ADGRL2: variants seen among roughly 807,000 people sequenced by gnomAD.
The protein encoded by ADGRL2 is calcium-independent alpha-latrotoxin receptor 2.
Under a neutral mutation model 157.4 loss-of-function variants are expected in ADGRL2, and 44 were observed. The observed-to-expected ratio is 0.28, with a 90% CI of 0.22 to 0.36. The LOEUF is 0.36. Among genes scored for constraint, ADGRL2 ranks in the 10% least tolerant of loss-of-function variants. ADGRL2 has a pLI of 1.00. For synonymous variants in ADGRL2, 585 were observed against 624.7 expected, an observed-to-expected ratio of 0.94 and a Z score of 0.95; for missense variants, 1,510 against 1,768.9, an observed-to-expected ratio of 0.85 and a Z score of 2.63.
chr1:81,826,271 A>G (rs1251853032), intron 1 of ADGRL2, among the ~76,000 whole-genome samples: 2 of 152,236 alleles, frequency 1.3e-5, no homozygotes, highest in African/African-American at 4.8e-5. Context: ...CTTTGTTATT[A>G]TAAGTTAGCA....
chr1:81,637,666 T>C lies in ADGRL2; in HGVS notation c.-143+56686T>C, dbSNP rs141887702. Among the ~76,000 whole-genome samples the C allele has an allele frequency of 3.0e-3, 452 of 152,328 alleles. 4 individuals are homozygous for C. The highest frequency in any genetic ancestry group is 0.011 in the African/African-American group (442 of 41,574). ...TATTGTTTTATATTCTTAGAAATAA[T>C]TATTTTTAGACAATTGCGTGGAATT... On this transcript the variant is annotated intron_variant, in intron 3 of 24. Coordinates refer to the ADGRL2 transcript ENST00000370721.
intron 1 of ADGRL2, among the ~76,000 whole-genome samples, chr1:81,314,159 G>A (rs1659949030): frequency 6.6e-6 from 1 of 152,160 alleles, no homozygotes; most frequent in South Asian, 2.1e-4. Flanking sequence ...GTACTGTTTG[G>A]TGCGGTTCTG....
chr1:81,446,230 C>T (rs181356745), intron 2 of ADGRL2, among the ~76,000 whole-genome samples: 37 of 152,152 alleles, frequency 2.4e-4, no homozygotes, highest in Admixed American at 1.8e-3. Context: ...GCCAGCCCGG[C>T]GCACAGCACA....
At chr1:81,482,869 T>C (rs1465531645) in intron 2 of ADGRL2, among the ~76,000 whole-genome samples, 1 of 151,642 alleles carries the variant, frequency 6.6e-6, no homozygotes. Context: ...ATATTAGCTA[T>C]ATCCTTATAT....
chr1:81,395,117 G>T (rs937965429), intron 1 of ADGRL2, among the ~76,000 whole-genome samples: 15 of 151,978 alleles, frequency 9.9e-5, no homozygotes, highest in African/African-American at 3.6e-4. Context: ...CACCATGTTG[G>T]CCAGGCTGGT....
At chr1:81,698,057 G>A (rs1486902758), upstream of ADGRL2, among the ~76,000 whole-genome samples, 1 of 152,142 alleles carries the variant, frequency 6.6e-6, no homozygotes, top group East Asian at 1.9e-4. Flanking sequence ...ATGATTAAAA[G>A]GAATGTTCAG....
chr1:81,446,941 T>A (rs749990470), intron 2 of ADGRL2, among the ~76,000 whole-genome samples: 14 of 152,138 alleles, frequency 9.2e-5, no homozygotes, highest in Non-Finnish European at 1.8e-4. Flanking sequence ...GAAAATGGCA[T>A]GTTAAAGTTT....
chr1:81,870,696 C>A (rs1408353239), intron 2 of ADGRL2, among the ~76,000 whole-genome samples: 1 of 151,954 alleles, frequency 6.6e-6, no homozygotes, highest in Non-Finnish European at 1.5e-5. Context: ...TTTGTTGGCA[C>A]TAATAGTGTT....
intron 2 of ADGRL2, among the ~76,000 whole-genome samples, chr1:81,843,386 C>T (rs537087086): frequency 1.3e-5 from 2 of 152,260 alleles, no homozygotes; most frequent in East Asian, 1.9e-4. Flanking sequence ...TTGCCTTGGC[C>T]TCCCAAAGTG....
chr1:81,613,690 G>A (rs1404890607), intron 3 of ADGRL2, among the ~76,000 whole-genome samples: 1 of 152,176 alleles, frequency 6.6e-6, no homozygotes, highest in Non-Finnish European at 1.5e-5. Context: ...GAAATAGAAT[G>A]ATCAGATTGT....
intron 2 of ADGRL2, among the ~76,000 whole-genome samples, chr1:81,778,279 G>A (rs1305301959): frequency 1.3e-5 from 2 of 149,118 alleles, no homozygotes; most frequent in South Asian, 2.1e-4. Context: ...CGGAGATCAC[G>A]CCACTGCACT....
At chr1:81,662,755 C>T (rs376906524) in intron 3 of ADGRL2, among the ~76,000 whole-genome samples, 10 of 151,798 alleles carry the variant, frequency 6.6e-5, no homozygotes, top group African/African-American at 2.4e-4. Context: ...CGGGGTTTCA[C>T]CATCTTGGCC....
chr1:81,724,863 T>C (rs886113823), intron 1 of ADGRL2, among the ~76,000 whole-genome samples: 3 of 152,200 alleles, frequency 2.0e-5, no homozygotes, highest in Non-Finnish European at 4.4e-5. Context: ...ATCTGTTCTG[T>C]AAATGAGAAA....
At chr1:81,367,989 C>G (rs2076096886) in intron 1 of ADGRL2, among the ~76,000 whole-genome samples, 1 of 152,172 alleles carries the variant, frequency 6.6e-6, no homozygotes, top group African/African-American at 2.4e-5. Context: ...AGTGAACATA[C>G]ACGTGCATGT....
chr1:81,539,621 C>T (rs1183624787), intron 2 of ADGRL2, among the ~76,000 whole-genome samples: 2 of 152,110 alleles, frequency 1.3e-5, no homozygotes, highest in Non-Finnish European at 2.9e-5. Flanking sequence ...ACTGAACAGA[C>T]ATTTCCTTCT....
intron 1 of ADGRL2, among the ~76,000 whole-genome samples, chr1:81,347,026 G>A (rs940025182): frequency 2.0e-5 from 3 of 152,144 alleles, no homozygotes; most frequent in African/African-American, 7.2e-5. Context: ...AAGGAAATAA[G>A]GAGAGCTGAA....
intron 1 of ADGRL2, among the ~76,000 whole-genome samples, chr1:81,830,144 TGAA>T (rs2091837095): frequency 1.3e-5 from 2 of 152,236 alleles, no homozygotes; most frequent in Non-Finnish European, 2.9e-5. Context: ...ATTAATTTCT[TGAA>T]GGTGGCAGCT....
intron 11 of ADGRL2, among the ~76,000 whole-genome samples, chr1:81,960,133 CA>C (rs1654873457): frequency 6.6e-6 from 1 of 152,082 alleles, no homozygotes; most frequent in Non-Finnish European, 1.5e-5. Flanking sequence ...TTTCTCTTTG[CA>C]TACTAAAAAA....
At chr1:81,747,003 T>C (rs2085288938) in intron 1 of ADGRL2, among the ~76,000 whole-genome samples, 1 of 137,982 alleles carries the variant, frequency 7.2e-6, no homozygotes, top group Non-Finnish European at 1.6e-5. Context: ...TATATACGTG[T>C]ATACACACGT....
Sources: allele counts gnomAD v4.1 joint callset (sites outside exome capture counted in the v4.1 genomes callset), GRCh38; gene constraint gnomAD v4.1.1; transcripts MANE v1.5; gene names NCBI Gene and HGNC (gene_info 2026-07-23, HGNC 2026-07-21).